CCSER1: variants seen among roughly 807,000 people sequenced by gnomAD.
CCSER1 encodes serine-rich coiled-coil domain-containing protein 1.
Under a neutral mutation model 82.0 loss-of-function variants are expected in CCSER1, and 41 were observed. That is an observed-to-expected ratio of 0.50 (90% CI 0.39 to 0.65). CCSER1 has a LOEUF of 0.65. CCSER1 is among the 30% of genes least tolerant of loss of function. CCSER1 has a pLI of 0.00. For synonymous variants in CCSER1, 414 were observed against 383.9 expected, an observed-to-expected ratio of 1.08 and a Z score of -0.92; for missense variants, 1,119 against 1,064.2, an observed-to-expected ratio of 1.05 and a Z score of -0.72.
intron 7 of CCSER1, among the ~76,000 whole-genome samples, chr4:90,739,259 A>T (rs1746144802): frequency 6.6e-6 from 1 of 152,190 alleles, no homozygotes; most frequent in Non-Finnish European, 1.5e-5. Flanking sequence ...TGGAGTTGTC[A>T]TCCAGGAGCT....
At chr4:91,536,235 G>C (rs1761287037) in intron 10 of CCSER1, among the ~76,000 whole-genome samples, 1 of 152,002 alleles carries the variant, frequency 6.6e-6, no homozygotes, top group South Asian at 2.1e-4. Context: ...ATTTGCCTAA[G>C]CAAACTTTAT....
At chr4:90,218,491 C>T (rs1741522766) in intron 1 of CCSER1, among the ~76,000 whole-genome samples, 1 of 152,074 alleles carries the variant, frequency 6.6e-6, no homozygotes, top group South Asian at 2.1e-4. Flanking sequence ...GAGATTTGTG[C>T]TGCTAATTTA....
At chr4:90,227,398 C>T (rs747965597) in intron 1 of CCSER1, among the ~76,000 whole-genome samples, 6 of 152,176 alleles carry the variant, frequency 3.9e-5, no homozygotes, top group Admixed American at 6.5e-5. Flanking sequence ...AAATTGCATT[C>T]GTCTTATAGT....
rs1240623766 is a variant in CCSER1 at position 90,536,038 on chromosome 4, T to TC, written c.1724+67684_1724+67685insC. The stretch of plus-strand genomic sequence containing the variant: ...TTCTTTTTCTTTCTTTCTGTTTTTT[T>TC]TTTTTTTTTTTTGAGACGGAGTCTT... On this transcript the variant is annotated intron_variant, in intron 5 of 10. Coordinates refer to ENST00000509176, the MANE Select transcript of CCSER1 (RefSeq NM_001145065.2). Among the ~76,000 whole-genome samples, 3 of 148,090 alleles carry TC rather than the reference T, an allele frequency of 2.0e-5. No homozygotes were observed. In the South Asian group the frequency reaches 6.6e-4, roughly 33 times the overall value.
intron 10 of CCSER1, among the ~76,000 whole-genome samples, chr4:91,245,522 T>TA (rs1191562689): frequency 1.3e-5 from 2 of 152,026 alleles, no homozygotes; most frequent in Non-Finnish European, 2.9e-5. Context: ...AAAAAACTGT[T>TA]ACCCTAGAAT....
At chr4:90,530,775 G>A (rs1458825186) in intron 5 of CCSER1, among the ~76,000 whole-genome samples, 1 of 152,096 alleles carries the variant, frequency 6.6e-6, no homozygotes, top group East Asian at 1.9e-4. Context: ...TCCATGCCCT[G>A]GTTTTCAGGG....
chr4:91,405,775 C>T (rs1752661008), intron 10 of CCSER1, among the ~76,000 whole-genome samples: 1 of 152,160 alleles, frequency 6.6e-6, no homozygotes, highest in Non-Finnish European at 1.5e-5. Flanking sequence ...TACCATCTGT[C>T]ATGGCTTCCC....
intron 5 of CCSER1, among the ~76,000 whole-genome samples, chr4:90,533,094 T>A: frequency 7.1e-6 from 1 of 140,290 alleles, no homozygotes; most frequent in Admixed American, 7.1e-5. Context: ...GTTTTTTTTT[T>A]TTTTTTTTTT....
At chr4:90,289,364 A>C (rs1435217745) in intron 1 of CCSER1, among the ~76,000 whole-genome samples, 4 of 151,918 alleles carry the variant, frequency 2.6e-5, no homozygotes, top group African/African-American at 9.7e-5. Flanking sequence ...GTAGATTTTC[A>C]AAGTTATTTT....
At chr4:91,346,735 G>T (rs538504560) in intron 10 of CCSER1, among the ~76,000 whole-genome samples, 2 of 152,088 alleles carry the variant, frequency 1.3e-5, no homozygotes, top group African/African-American at 4.8e-5. Flanking sequence ...AATAGCATAC[G>T]ATGTTGAGCA....
chr4:90,916,928 T>A (rs1196738142), intron 8 of CCSER1, among the ~76,000 whole-genome samples: 1 of 152,162 alleles, frequency 6.6e-6, no homozygotes, highest in Non-Finnish European at 1.5e-5. Context: ...TCATCATCAC[T>A]GGCCATCATA....
chr4:90,468,592 G>A (rs1763940068), intron 5 of CCSER1: 1 of 333,576 alleles, frequency 3.0e-6, no homozygotes, highest in Admixed American at 4.5e-5. Flanking sequence ...TTAAGGACAT[G>A]GGCAAGTAGG....
chr4:91,099,463 T>A (rs1428939379), intron 10 of CCSER1, among the ~76,000 whole-genome samples: 1 of 152,164 alleles, frequency 6.6e-6, no homozygotes, highest in East Asian at 1.9e-4. Flanking sequence ...TCAAACTCTG[T>A]AAAATATTTG....
At chr4:90,213,816 A>G (rs1740504648) in intron 1 of CCSER1, among the ~76,000 whole-genome samples, 2 of 152,184 alleles carry the variant, frequency 1.3e-5, no homozygotes, top group South Asian at 4.1e-4. Flanking sequence ...CATTACTTGG[A>G]CAAAAGCTGC....
chr4:90,650,962 T>C (rs1728647379), intron 6 of CCSER1, among the ~76,000 whole-genome samples: 1 of 152,204 alleles, frequency 6.6e-6, no homozygotes, highest in African/African-American at 2.4e-5. Context: ...TGGGATAGAA[T>C]CTTGTCTCTG....
At chr4:90,717,492 C>T (rs1211305551) in intron 6 of CCSER1, among the ~76,000 whole-genome samples, 4 of 152,034 alleles carry the variant, frequency 2.6e-5, no homozygotes, top group Non-Finnish European at 4.4e-5. Context: ...TTTCCTATCG[C>T]TCTTGTTTTG....
intron 9 of CCSER1, among the ~76,000 whole-genome samples, chr4:91,072,708 C>T (rs1721560949): frequency 1.3e-5 from 2 of 152,154 alleles, no homozygotes; most frequent in Admixed American, 6.5e-5. Flanking sequence ...ACTCTGCTTT[C>T]TTTGATCTGT....
intron 5 of CCSER1, among the ~76,000 whole-genome samples, chr4:90,612,693 A>G (rs970256097): frequency 2.6e-5 from 4 of 152,178 alleles, no homozygotes; most frequent in African/African-American, 9.6e-5. Context: ...GGCTCCCTAT[A>G]TAGTAGTATT....
At chr4:91,082,665 A>G (rs1722904625) in intron 9 of CCSER1, among the ~76,000 whole-genome samples, 3 of 152,222 alleles carry the variant, frequency 2.0e-5, no homozygotes, top group Admixed American at 2.0e-4. Flanking sequence ...TACCCATCTG[A>G]CAAAGGGCTA....
Sources: gnomAD v4.1 joint callset for allele counts (sites outside exome capture counted in the v4.1 genomes callset) on GRCh38, gnomAD v4.1.1 for gene constraint, MANE v1.5 for transcripts, NCBI Gene and HGNC (gene_info 2026-07-23, HGNC 2026-07-21) for gene names.